Variants in GABRG2 observed in about 807,000 individuals in gnomAD.
The protein encoded by GABRG2 is gamma-aminobutyric acid type A receptor subunit gamma2, also known as gamma-aminobutyric acid receptor subunit gamma-2.
Under a neutral mutation model 56.4 loss-of-function variants are expected in GABRG2, and 16 were observed. That is an observed-to-expected ratio of 0.28 (90% CI 0.19 to 0.43). GABRG2 has a LOEUF of 0.43. Among genes scored for constraint, GABRG2 ranks in the 20% least tolerant of loss-of-function variants. The probability of loss-of-function intolerance (pLI) is 1.00; values close to 1 mark genes in which losing one functional copy is unlikely to be tolerated. For synonymous variants in GABRG2, 208 were observed against 205.5 expected, an observed-to-expected ratio of 1.01 and a Z score of -0.10; for missense variants, 327 against 582.7, an observed-to-expected ratio of 0.56 and a Z score of 4.52.
At chr5:162,080,987 C>T (rs916876770) in intron 1 of GABRG2, among the ~76,000 whole-genome samples, 3 of 151,936 alleles carry the variant, frequency 2.0e-5, no homozygotes, top group South Asian at 2.1e-4. Context: ...TGCTAAATTC[C>T]AACTTAATTA....
intron 6 of GABRG2, among the ~76,000 whole-genome samples, chr5:162,136,580 A>G (rs995673985): frequency 5.9e-5 from 9 of 152,044 alleles, no homozygotes; most frequent in Non-Finnish European, 1.5e-5. Flanking sequence ...GGCAGGAAGA[A>G]TAAAGATGGA....
intron 8 of GABRG2, chr5:162,150,161 G>C (rs1448996729): frequency 1.9e-5 from 3 of 154,456 alleles, no homozygotes; most frequent in Admixed American, 1.9e-4. Flanking sequence ...TAGCCTCCTT[G>C]TGTGTTTTAT....
At position 162,080,918 on chromosome 5, in the gene GABRG2, T is replaced by C. The variant is rs369582792; in HGVS notation, c.107+12812T>C. Among the ~76,000 whole-genome samples, 22 of 152,306 alleles carry C rather than the reference T, an allele frequency of 1.4e-4. No homozygotes were observed. The East Asian group carries it at 4.0e-3, about 28-fold the overall frequency. On this transcript the variant is annotated intron_variant, in intron 1 of 9. Transcript: ENST00000639213. ...TTGCATTATATTTAACTAATGTGTGTAAATAGATTTGTTTTTACAGAGCTA... is the reference window on the plus strand; with the variant it reads ...TTGCATTATATTTAACTAATGTGTGCAAATAGATTTGTTTTTACAGAGCTA...
chr5:162,067,538 T>G, upstream of GABRG2: 1 of 427,010 alleles, frequency 2.3e-6, no homozygotes, highest in South Asian at 8.4e-5. Context: ...TTTTTCCTAT[T>G]TATTTTAAAT....
intron 6 of GABRG2, among the ~76,000 whole-genome samples, chr5:162,112,366 A>G (rs1012092701): frequency 1.3e-5 from 2 of 151,768 alleles, no homozygotes; most frequent in South Asian, 2.1e-4. Context: ...TAACTAATAG[A>G]TCTCTAATAA....
intron 7 of GABRG2, among the ~76,000 whole-genome samples, chr5:162,144,244 T>C (rs1369255898): frequency 6.6e-6 from 1 of 152,224 alleles, no homozygotes; most frequent in African/African-American, 2.4e-5. Flanking sequence ...TATACACTTA[T>C]GTATGGCTGG....
intron 6 of GABRG2, among the ~76,000 whole-genome samples, chr5:162,116,158 G>A (rs1016192935): frequency 9.4e-5 from 14 of 148,872 alleles, no homozygotes; most frequent in Admixed American, 4.7e-4. Flanking sequence ...TTCCAGAAAG[G>A]ATTACTCTTG....
intron 7 of GABRG2, among the ~76,000 whole-genome samples, chr5:162,147,365 C>T (rs1165755896): frequency 2.0e-5 from 3 of 148,524 alleles, no homozygotes; most frequent in Admixed American, 1.4e-4. Flanking sequence ...CTCTTTCTGT[C>T]TGTCTGTCTT....
intron 1 of GABRG2, among the ~76,000 whole-genome samples, chr5:162,079,396 C>T (rs150770766): frequency 6.6e-5 from 10 of 152,164 alleles, no homozygotes; most frequent in Admixed American, 3.3e-4. Context: ...TGCACATGCA[C>T]GTAAAGCACA....
At chr5:162,081,800 T>C (rs1759687526) in intron 1 of GABRG2, among the ~76,000 whole-genome samples, 1 of 152,084 alleles carries the variant, frequency 6.6e-6, no homozygotes, top group South Asian at 2.1e-4. Flanking sequence ...CAACTCGAAC[T>C]ACATAGCTAG....
chr5:162,126,299 G>T (rs1260489410), intron 6 of GABRG2, among the ~76,000 whole-genome samples: 1 of 151,930 alleles, frequency 6.6e-6, no homozygotes, highest in Non-Finnish European at 1.5e-5. Context: ...TACAGATGAG[G>T]AAAGGCATTC....
At chr5:162,082,246 C>T (rs1262074013) in intron 1 of GABRG2, among the ~76,000 whole-genome samples, 3 of 151,620 alleles carry the variant, frequency 2.0e-5, no homozygotes, top group Admixed American at 1.3e-4. Flanking sequence ...GTGTTGCAGC[C>T]GTTTGTAAGA....
intron 6 of GABRG2, 61 bp from the exon 7 acceptor site, chr5:162,142,103 G>T (rs1764610637): frequency 6.6e-7 from 1 of 1,526,058 alleles, no homozygotes; most frequent in Non-Finnish European, 9.1e-7. Context: ...TACATGCTTA[G>T]TTTTAATGTT....
chr5:162,150,305 T>G (rs1765277617), intron 8 of GABRG2: 1 of 152,132 alleles, frequency 6.6e-6, no homozygotes, highest in Admixed American at 6.5e-5. Context: ...GTACTTAACA[T>G]TAGTAGTTGG....
intron 9 of GABRG2, chr5:162,152,650 T>TA (rs1765456357): frequency 6.5e-6 from 2 of 309,358 alleles, no homozygotes; most frequent in African/African-American, 4.3e-5. Flanking sequence ...CTCAGAGTAA[T>TA]GGGTTTTCTA....
At chr5:162,099,893 A>C (rs1340598561) in intron 4 of GABRG2, 1 of 152,148 alleles carries the variant, frequency 6.6e-6, no homozygotes, top group Admixed American at 6.5e-5. Flanking sequence ...TTAGATCTGT[A>C]TCTATGTTTG....
intron 1 of GABRG2, among the ~76,000 whole-genome samples, chr5:162,078,216 C>A (rs538915484): frequency 2.0e-5 from 3 of 151,566 alleles, no homozygotes; most frequent in Non-Finnish European, 4.4e-5. Context: ...GCCACCATGG[C>A]TGGGTTCTGG....
At chr5:162,108,462 A>G (rs1483688153) in intron 6 of GABRG2, among the ~76,000 whole-genome samples, 5 of 152,208 alleles carry the variant, frequency 3.3e-5, no homozygotes, top group African/African-American at 1.2e-4. Context: ...TCTGTTTTGA[A>G]TGACTTCTTA....
At chr5:162,131,108 G>A (rs562013864) in intron 6 of GABRG2, among the ~76,000 whole-genome samples, 1 of 152,050 alleles carries the variant, frequency 6.6e-6, no homozygotes, top group South Asian at 2.1e-4. Context: ...TTCTAAAAGG[G>A]TGTATATTTC....
Sources: allele counts gnomAD v4.1 joint callset (sites outside exome capture counted in the v4.1 genomes callset), GRCh38; gene constraint gnomAD v4.1.1; transcripts MANE v1.5; gene names NCBI Gene and HGNC (gene_info 2026-07-23, HGNC 2026-07-21).